TMEFF2: variants seen among roughly 807,000 people sequenced by gnomAD.
The protein encoded by TMEFF2 is transmembrane protein with EGF like and two follistatin like domains 2.
TMEFF2 carries 28 observed loss-of-function variants against 53.8 expected under a neutral mutation model. That is an observed-to-expected ratio of 0.52 (90% CI 0.39 to 0.71). The LOEUF (loss-of-function observed/expected upper bound fraction) is 0.71, where lower values mean the gene tolerates loss of function less well. Among genes scored for constraint, TMEFF2 ranks in the 30% least tolerant of loss-of-function variants. The probability of loss-of-function intolerance (pLI) is 0.00; values close to 1 mark genes in which losing one functional copy is unlikely to be tolerated. For synonymous variants in TMEFF2, 162 were observed against 166.3 expected (o/e 0.97, Z 0.20); for missense variants, 353 against 455.2 (o/e 0.78, Z 2.04).
intron 4 of TMEFF2, among the ~76,000 whole-genome samples, chr2:192,117,227 G>T (rs961252263): frequency 6.6e-6 from 1 of 152,028 alleles, no homozygotes; most frequent in African/African-American, 2.4e-5. Flanking sequence ...TACCTTTAAG[G>T]ATAATTTTCA....
Position 191,949,917 on chromosome 2 carries a change from T to TCTCAAGATGAGAA in TMEFF2, c.*381_*393dup. Reference sequence around the variant, plus strand: ...GAGTCCTGTACGAACTAATGTGCTGTCTCAAGATGAGAAGAAACATGAAAT... The same window carrying TCTCAAGATGAGAA: ...GAGTCCTGTACGAACTAATGTGCTGTCTCAAGATGAGAACTCAAGATGAGAAGAAACATGAAAT... On this transcript the variant is annotated 3_prime_UTR_variant, in exon 10 of 10. Transcript: ENST00000272771. 1 of 1,000,548 alleles carries TCTCAAGATGAGAA rather than the reference T, an allele frequency of 1.0e-6. No homozygotes were observed. The allele number at this position is 1,000,548 out of a possible 1,614,324, so 62.0% of individuals were successfully genotyped here. A position where few individuals can be genotyped will look rare whatever the true frequency, so the allele number is the denominator to read the frequency against.
At chr2:191,963,011 T>A (rs1692316411) in intron 7 of TMEFF2, among the ~76,000 whole-genome samples, 1 of 152,212 alleles carries the variant, frequency 6.6e-6, no homozygotes, top group Non-Finnish European at 1.5e-5. Context: ...CAGTATTTAA[T>A]GGAACTTTAG....
chr2:192,096,655 TCTCTC>T (rs1688912922), intron 4 of TMEFF2, among the ~76,000 whole-genome samples: 1 of 58,492 alleles, frequency 1.7e-5, no homozygotes, highest in African/African-American at 6.5e-5. Flanking sequence ...CTTCCTTCTC[TCTCTC>T]TCTCTCTCTC....
intron 7 of TMEFF2, among the ~76,000 whole-genome samples, chr2:191,983,130 G>T (rs905544962): frequency 1.3e-5 from 2 of 152,050 alleles, no homozygotes; most frequent in Admixed American, 1.3e-4. Flanking sequence ...ATGCAAAAGA[G>T]GAATGACCAA....
intron 1 of TMEFF2, among the ~76,000 whole-genome samples, chr2:192,192,697 A>T (rs1460891889): frequency 6.6e-6 from 1 of 152,170 alleles, no homozygotes. Context: ...TCAACTTCAC[A>T]TTTAAGTTAG....
intron 7 of TMEFF2, among the ~76,000 whole-genome samples, chr2:191,973,595 A>G (rs1692716683): frequency 1.5e-5 from 1 of 65,068 alleles, no homozygotes; most frequent in Non-Finnish European, 3.5e-5. Context: ...CTAAAGGCAG[A>G]GAACTCCAGA....
chr2:192,041,340 C>T (rs557986584), intron 5 of TMEFF2, among the ~76,000 whole-genome samples: 2 of 152,122 alleles, frequency 1.3e-5, no homozygotes, highest in African/African-American at 4.8e-5. Context: ...AAAAGATAAA[C>T]AAATGTTCAA....
At chr2:192,096,670 C>CTCTGTCTTTTTTTT (rs61068218) in intron 4 of TMEFF2, among the ~76,000 whole-genome samples, 5 of 53,686 alleles carry the variant, frequency 9.3e-5, no homozygotes, top group Non-Finnish European at 8.4e-5. Flanking sequence ...CTCTCTCTCT[C>CTCTGTCTTTTTTTT]TTTTTTTTTT....
intron 5 of TMEFF2, among the ~76,000 whole-genome samples, chr2:192,055,506 A>G (rs141916624): frequency 4.6e-5 from 7 of 152,120 alleles, no homozygotes; most frequent in Non-Finnish European, 8.8e-5. Context: ...TGGGCGTGGT[A>G]GCTCACACCT....
rs545280218 is a variant in TMEFF2 at position 192,107,609 on chromosome 2, C to CT, written c.440-49835dup. Among the ~76,000 whole-genome samples the CT allele has an allele frequency of 1.6e-3, 246 of 151,770 alleles. 1 individual carries two copies. Among genetic ancestry groups the CT allele is most frequent in the Middle Eastern group, 6.8e-3 (2 of 294 alleles). On this transcript the variant is annotated intron_variant, in intron 4 of 9. Coordinates refer to ENST00000272771, the MANE Select transcript of TMEFF2 (RefSeq NM_016192.4). The stretch of plus-strand genomic sequence containing the variant: ...CTCTAGAATCTCATATGCTGATAGT[C>CT]TATCAAAACAAGGAGCTAAAGTTTT...
At position 191,950,129 on chromosome 2, in the gene TMEFF2, G is replaced by A. The variant is rs893507521; in HGVS notation, c.*182C>T. 2 of 1,369,826 alleles carry A rather than the reference G, an allele frequency of 1.5e-6. No homozygotes were observed. The highest frequency in any genetic ancestry group is 1.9e-6 in the Non-Finnish European group (2 of 1,062,104). The allele number at this position is 1,369,826 out of a possible 1,614,324, so 84.9% of individuals were successfully genotyped here. A position where few individuals can be genotyped will look rare whatever the true frequency, so the allele number is the denominator to read the frequency against. On this transcript the variant is annotated 3_prime_UTR_variant, in exon 10 of 10. Coordinates refer to ENST00000272771, the MANE Select transcript of TMEFF2 (RefSeq NM_016192.4). ...ATTACAGAAAAAACATCAAGACAAT[G>A]TATACTATTTCAAATATATCCATAC...
intron 5 of TMEFF2, among the ~76,000 whole-genome samples, chr2:192,042,157 C>T (rs1489329797): frequency 1.3e-5 from 2 of 151,802 alleles, no homozygotes; most frequent in South Asian, 2.1e-4. Flanking sequence ...GCCGAGATCA[C>T]ACCACTGAAC....
At chr2:191,979,897 G>C (rs371098743) in intron 7 of TMEFF2, among the ~76,000 whole-genome samples, 1 of 149,716 alleles carries the variant, frequency 6.7e-6, no homozygotes, top group Admixed American at 6.6e-5. Context: ...CCTGTATGTG[G>C]CTTTGCATTA....
intron 5 of TMEFF2, among the ~76,000 whole-genome samples, chr2:192,053,281 C>T (rs898700915): frequency 2.6e-5 from 4 of 152,112 alleles, no homozygotes; most frequent in Admixed American, 1.3e-4. Context: ...GTGTGACTTT[C>T]TTCTGAACTC....
At chr2:192,133,227 A>T (rs1387724106) in intron 4 of TMEFF2, among the ~76,000 whole-genome samples, 1 of 152,142 alleles carries the variant, frequency 6.6e-6, no homozygotes, top group African/African-American at 2.4e-5. Flanking sequence ...CCTGGGCTAC[A>T]GCTGCATCTC....
intron 4 of TMEFF2, among the ~76,000 whole-genome samples, chr2:192,166,843 G>A (rs540513239): frequency 1.8e-4 from 28 of 152,132 alleles, no homozygotes; most frequent in East Asian, 1.4e-3. Flanking sequence ...TAAAAAACAC[G>A]TTTCAAACAA....
chr2:191,978,714 T>C (rs1392344620), intron 7 of TMEFF2, among the ~76,000 whole-genome samples: 1 of 152,198 alleles, frequency 6.6e-6, no homozygotes, highest in Non-Finnish European at 1.5e-5. Context: ...AAAATGAAAT[T>C]GTGGTGCAGG....
intron 4 of TMEFF2, among the ~76,000 whole-genome samples, chr2:192,134,420 T>A (rs1412644245): frequency 1.3e-5 from 2 of 152,210 alleles, no homozygotes; most frequent in African/African-American, 4.8e-5. Context: ...CCAGGCCTAA[T>A]CGCCACACAC....
At chr2:192,046,444 G>A (rs912218750) in intron 5 of TMEFF2, among the ~76,000 whole-genome samples, 1 of 152,182 alleles carries the variant, frequency 6.6e-6, no homozygotes. Context: ...TCTAGGACTG[G>A]TGCAAGGTTC....
Sources: gnomAD v4.1 joint callset for allele counts (sites outside exome capture counted in the v4.1 genomes callset) on GRCh38, gnomAD v4.1.1 for gene constraint, MANE v1.5 for transcripts, NCBI Gene and HGNC (gene_info 2026-07-23, HGNC 2026-07-21) for gene names.